The following UMODL1 variants were observed in gnomAD, a reference collection of about 807,000 sequenced individuals.
The protein encoded by UMODL1 is uromodulin like 1.
Under a neutral mutation model 136.3 loss-of-function variants are expected in UMODL1, and 128 were observed. That is an observed-to-expected ratio of 0.94 (90% CI 0.81 to 1.09). UMODL1 has a LOEUF of 1.09. Ranked by LOEUF, UMODL1 falls within the 50% of genes least tolerant of loss-of-function variation. UMODL1 has a pLI of 0.00. For missense variants in UMODL1, 1,766 were observed against 1,725.6 expected (o/e 1.02, Z -0.41); for synonymous variants, 721 against 720.0 (o/e 1.00, Z -0.02).
rs370353625 is a variant in UMODL1 at position 42,119,330 on chromosome 21, A to G, written c.2689+6A>G. The G allele has an allele frequency of 2.3e-5, 37 of 1,612,940 alleles. 1 individual carries two copies. In the East Asian group the frequency reaches 3.1e-4, roughly 14 times the overall value. Reference sequence around the variant, plus strand: ...AGGCGACACCTTCATACAGGGTACGAGAGGCTGGGATGGAGCCTCTCCCGT... The same window carrying G: ...AGGCGACACCTTCATACAGGGTACGGGAGGCTGGGATGGAGCCTCTCCCGT... On this transcript the variant is annotated splice_donor_region_variant and intron_variant, in intron 15 of 22. Transcript: ENST00000408910.
At chr21:42,097,617 A>G (rs754549700) in intron 6 of UMODL1, among the ~76,000 whole-genome samples, 2 of 152,248 alleles carry the variant, frequency 1.3e-5, no homozygotes, top group Non-Finnish European at 2.9e-5. Context: ...CAGTCCTTAC[A>G]GAAAAGGCTT....
At chr21:42,118,801 A>T (rs2066930860) in intron 14 of UMODL1, among the ~76,000 whole-genome samples, 1 of 152,154 alleles carries the variant, frequency 6.6e-6, no homozygotes, top group Non-Finnish European at 1.5e-5. Flanking sequence ...GCAAATTTTA[A>T]GCCCCATGAG....
rs2066941231 is a variant in UMODL1, at chr21:42,119,382, G to A, written c.2689+58G>A. ...TTCTGGAACCAGAGGCAGCCAGAGG[G>A]CAGCCACCACCCTTCGCTTTTGAAA... On this transcript the variant is annotated intron_variant, in intron 15 of 22. Coordinates refer to ENST00000408910, the MANE Select transcript of UMODL1 (RefSeq NM_001004416.3). The A allele has an allele frequency of 9.9e-6, 15 of 1,522,034 alleles. No homozygotes were observed. The East Asian group carries it at 2.3e-4, about 23-fold the overall frequency. 94.3% of individuals were successfully genotyped at this position (1,522,034 alleles called of 1,614,324 possible).
chr21:42,077,870 G>A (rs1235318366), intron 2 of UMODL1, among the ~76,000 whole-genome samples: 1 of 152,210 alleles, frequency 6.6e-6, no homozygotes, highest in African/African-American at 2.4e-5. Context: ...AAACCAGGGT[G>A]TCTGCCTCCT....
At chr21:42,101,918 C>T (rs549450951) in intron 7 of UMODL1, 12 of 409,762 alleles carry the variant, frequency 2.9e-5, no homozygotes, top group South Asian at 1.0e-4. Flanking sequence ...TCCCAGTTCC[C>T]GTGGGTATGG....
chr21:42,127,839 T>C lies in UMODL1; in HGVS notation c.3690+8T>C. Reference sequence around the variant, plus strand: ...GGAGCCACGTGCAAAATCGTAAGTGTTTTTTGGTTTTCTAAACGTTTGGTT... The same window carrying C: ...GGAGCCACGTGCAAAATCGTAAGTGCTTTTTGGTTTTCTAAACGTTTGGTT... On this transcript the variant is annotated splice_region_variant and intron_variant, in intron 20 of 22. Coordinates refer to ENST00000408910, the MANE Select transcript of UMODL1 (RefSeq NM_001004416.3). The C allele has an allele frequency of 6.2e-7, 1 of 1,609,738 alleles. No homozygotes were observed. Among genetic ancestry groups the C allele is most frequent in the South Asian group, 1.1e-5 (1 of 90,226 alleles).
rs1393150619 is a variant in UMODL1 at position 42,113,631 on chromosome 21, G to A, written c.2163G>A (p.Leu721=). The A allele has an allele frequency of 6.2e-6, 10 of 1,613,980 alleles. No individual in the cohort carries two copies. The highest frequency in any genetic ancestry group is 8.5e-6 in the Non-Finnish European group (10 of 1,180,044). Residue 721 remains leucine, a synonymous_variant, in exon 13 of 23, where the codon CTG becomes CTA. Transcript: ENST00000408910. ...VSNVTSTGFH[L]AWEADLAMDS... is the part of the protein sequence containing the mutation. Reference sequence around the variant, plus strand: ...ATGTGACCAGCACCGGCTTCCACCTGGCATGGGAGGCGGATCTTGCTATGG... The same window carrying A: ...ATGTGACCAGCACCGGCTTCCACCTAGCATGGGAGGCGGATCTTGCTATGG...
chr21:42,112,729 G>C (rs562451934), intron 12 of UMODL1, among the ~76,000 whole-genome samples: 1 of 151,952 alleles, frequency 6.6e-6, no homozygotes, highest in Non-Finnish European at 1.5e-5. Context: ...CTTCACCCCA[G>C]ATATTGAACC....
At chr21:42,083,198 C>T (rs571988216) in intron 2 of UMODL1, among the ~76,000 whole-genome samples, 1 of 152,310 alleles carries the variant, frequency 6.6e-6, no homozygotes, top group Non-Finnish European at 1.5e-5. Flanking sequence ...TCCACATGGG[C>T]GAGCAGTGGA....
intron 8 of UMODL1, 124 bp from the exon 9 acceptor site, chr21:42,103,744 G>C (rs12482506): frequency 0.018 from 21,224 of 1,163,280 alleles, 244 homozygotes; most frequent in Non-Finnish European, 0.021. Flanking sequence ...CGGTCGTCAG[G>C]TGCCTCCTCT....
At chr21:42,090,210 G>A in intron 5 of UMODL1, 88 bp from the exon 6 acceptor site, 3 of 1,567,232 alleles carry the variant, frequency 1.9e-6, no homozygotes, top group Non-Finnish European at 2.6e-6. Context: ...CGTGGCACGA[G>A]TCCACAGAGG....
chr21:42,079,215 C>A (rs1312679543), intron 2 of UMODL1, among the ~76,000 whole-genome samples: 1 of 152,206 alleles, frequency 6.6e-6, no homozygotes, highest in Non-Finnish European at 1.5e-5. Context: ...CCACCATCAC[C>A]TTCTGTAAGA....
chr21:42,081,175 A>G (rs1310896403), intron 2 of UMODL1, among the ~76,000 whole-genome samples: 1 of 152,124 alleles, frequency 6.6e-6, no homozygotes, highest in East Asian at 1.9e-4. Flanking sequence ...AGACTCCCCA[A>G]AACTTCCTGT....
chr21:42,127,385 C>T lies in UMODL1; in HGVS notation c.3530+143C>T, dbSNP rs950529882. The T allele has an allele frequency of 5.8e-6, 5 of 858,812 alleles. No homozygotes were observed. In the Admixed American group the frequency reaches 8.5e-5, roughly 15 times the overall value. 53.2% of individuals were successfully genotyped at this position (858,812 alleles called of 1,614,324 possible). On this transcript the variant is annotated intron_variant, in intron 19 of 22. Transcript: ENST00000408910. The stretch of plus-strand genomic sequence containing the variant: ...TAGGTAGGGCTCAGGAGTGCAGGCA[C>T]CCCTGTCCAGCAATGCCCAGGGCTT...
At chr21:42,129,603 C>G (rs1217109194) in intron 20 of UMODL1, 110 bp from the exon 21 acceptor site, 2 of 1,015,186 alleles carry the variant, frequency 2.0e-6, no homozygotes, top group Non-Finnish European at 2.8e-6. Context: ...CTTGCAACTT[C>G]TAGCAGGATA....
rs144752566 is a variant in UMODL1, at chr21:42,073,237, G to A, written c.76+1845G>A. Reference sequence around the variant, plus strand: ...TAAGTTCTTGGTGCAGGAAGTCCTCGGCCTTTGCCTAGCTCGGCGTGGTCA... The same window carrying A: ...TAAGTTCTTGGTGCAGGAAGTCCTCAGCCTTTGCCTAGCTCGGCGTGGTCA... On this transcript the variant is annotated intron_variant, in intron 1 of 22. Transcript: ENST00000408910. Among the ~76,000 whole-genome samples the A allele has an allele frequency of 2.5e-3, 378 of 152,306 alleles. 2 individuals are homozygous for A. Among genetic ancestry groups the A allele is most frequent in the African/African-American group, 8.5e-3 (354 of 41,546 alleles).
At chr21:42,074,190 G>T (rs1274697490) in intron 1 of UMODL1, among the ~76,000 whole-genome samples, 1 of 152,198 alleles carries the variant, frequency 6.6e-6, no homozygotes, top group African/African-American at 2.4e-5. Flanking sequence ...TCTGCTCCGG[G>T]CCTCCAGCTT....
chr21:42,075,242 G>GGGC (rs1555917883), intron 1 of UMODL1, among the ~76,000 whole-genome samples: 2 of 71,236 alleles, frequency 2.8e-5, no homozygotes, highest in African/African-American at 9.5e-5. Context: ...TGCTGGAGAT[G>GGGC]GGGGGGGGGT....
Position 42,071,409 on chromosome 21 carries a change from T to G in UMODL1, c.76+17T>G. The G allele has an allele frequency of 6.4e-7, 1 of 1,565,506 alleles. No individual in the cohort carries two copies. Among genetic ancestry groups the G allele is most frequent in the South Asian group, 1.2e-5 (1 of 83,728 alleles). On this transcript the variant is annotated intron_variant, in intron 1 of 22. Coordinates refer to ENST00000408910, the MANE Select transcript of UMODL1 (RefSeq NM_001004416.3). ...GCTTCACAGGTGAGGGGTCTGGGCTTGGCATGGGCAGTTCTTAAGGACAGG... is the reference window on the plus strand; with the variant it reads ...GCTTCACAGGTGAGGGGTCTGGGCTGGGCATGGGCAGTTCTTAAGGACAGG...
Sources: gnomAD v4.1 joint callset for allele counts (sites outside exome capture counted in the v4.1 genomes callset) on GRCh38, gnomAD v4.1.1 for gene constraint, MANE v1.5 for transcripts, NCBI Gene and HGNC (gene_info 2026-07-23, HGNC 2026-07-21) for gene names.